MLIP: variants seen among roughly 807,000 people sequenced by gnomAD.
MLIP encodes muscular LMNA-interacting protein.
A neutral mutation model predicts 84.8 loss-of-function variants in MLIP; 79 were observed. The observed-to-expected ratio is 0.93, with a 90% CI of 0.78 to 1.12. The LOEUF (loss-of-function observed/expected upper bound fraction) is 1.12. Ranked by LOEUF, MLIP falls within the 50% of genes most tolerant of loss-of-function variation. MLIP has a pLI of 0.00. For synonymous variants in MLIP, 504 were observed against 463.0 expected, an observed-to-expected ratio of 1.09 and a Z score of -1.14; for missense variants, 1,257 against 1,160.6, an observed-to-expected ratio of 1.08 and a Z score of -1.21.
At chr6:54,106,711 A>G (rs1769044327), upstream of MLIP, among the ~76,000 whole-genome samples, 1 of 152,212 alleles carries the variant, frequency 6.6e-6, no homozygotes, top group Admixed American at 6.5e-5. Context: ...GGAGGTGGGG[A>G]ACAACTTCAA....
intron 12 of MLIP, among the ~76,000 whole-genome samples, chr6:54,231,209 A>T (rs1414258271): frequency 2.6e-5 from 4 of 152,260 alleles, no homozygotes; most frequent in African/African-American, 7.2e-5. Context: ...GACATTTTTC[A>T]AAACCTCACA....
At chr6:54,235,185 T>G (rs565867380) in intron 12 of MLIP, among the ~76,000 whole-genome samples, 1 of 152,356 alleles carries the variant, frequency 6.6e-6, no homozygotes, top group East Asian at 1.9e-4. Flanking sequence ...CCAAGTTGAA[T>G]GCGTTCTTAT....
intron 1 of MLIP, among the ~76,000 whole-genome samples, chr6:54,115,889 A>G (rs1362313618): frequency 6.6e-6 from 1 of 152,256 alleles, no homozygotes; most frequent in Non-Finnish European, 1.5e-5. Context: ...AGAGTCCTTC[A>G]GAGAGAACCA....
chr6:54,189,097 G>A (rs1777675489), intron 9 of MLIP, among the ~76,000 whole-genome samples: 1 of 152,156 alleles, frequency 6.6e-6, no homozygotes, highest in African/African-American at 2.4e-5. Flanking sequence ...TTAGTAAGAA[G>A]GAAACTAGGG....
chr6:54,209,916 C>A (rs1779303093), intron 11 of MLIP, among the ~76,000 whole-genome samples: 1 of 146,766 alleles, frequency 6.8e-6, no homozygotes, highest in African/African-American at 2.6e-5. Context: ...TTTTTTTTTA[C>A]AATAAGGCTC....
At chr6:54,198,994 T>C (rs1012636450) in intron 10 of MLIP, among the ~76,000 whole-genome samples, 1 of 152,056 alleles carries the variant, frequency 6.6e-6, no homozygotes, top group Admixed American at 6.6e-5. Context: ...AGGTCCTAAA[T>C]GTTCTGAGAA....
chr6:54,213,715 A>AC (rs1357044735), intron 11 of MLIP, among the ~76,000 whole-genome samples: 1,194 of 115,510 alleles, frequency 0.01, 99 homozygotes, highest in African/African-American at 0.041. Flanking sequence ...CTCAAAAAAA[A>AC]AAAAAAAAAA....
intron 12 of MLIP, among the ~76,000 whole-genome samples, chr6:54,254,766 TC>T (rs1447322372): frequency 1.7e-4 from 23 of 134,762 alleles, no homozygotes; most frequent in Non-Finnish European, 3.2e-4. Context: ...CTTCCTTCCT[TC>T]CCTTCCTCCC....
chr6:54,078,259 C>T (rs2150353300), intron 1 of MLIP, among the ~76,000 whole-genome samples: 1 of 152,316 alleles, frequency 6.6e-6, no homozygotes, highest in East Asian at 1.9e-4. Flanking sequence ...TTAAGCAGTT[C>T]TCTAGCACTC....
intron 11 of MLIP, chr6:54,217,590 G>T (rs370748629): frequency 1.0e-6 from 1 of 984,112 alleles, no homozygotes; most frequent in Non-Finnish European, 1.2e-6. Flanking sequence ...TTGAAGTTTT[G>T]TAGAATGATA....
At chr6:54,249,193 C>G (rs1032833826) in intron 12 of MLIP, among the ~76,000 whole-genome samples, 4 of 151,812 alleles carry the variant, frequency 2.6e-5, no homozygotes, top group African/African-American at 9.7e-5. Context: ...AATGAATTAT[C>G]CAAGTAAAAG....
chr6:54,118,881 C>T (rs1240171153), intron 1 of MLIP, among the ~76,000 whole-genome samples: 1 of 152,176 alleles, frequency 6.6e-6, no homozygotes, highest in African/African-American at 2.4e-5. Flanking sequence ...TCTCAAAAGA[C>T]ACACAAATGG....
chr6:54,070,099 A>T (rs1766391680), intron 1 of MLIP, among the ~76,000 whole-genome samples: 1 of 152,108 alleles, frequency 6.6e-6, no homozygotes, highest in East Asian at 1.9e-4. Context: ...GTAAAGCACA[A>T]CAAATAATTG....
At chr6:54,222,063 A>T (rs985003761) in intron 11 of MLIP, among the ~76,000 whole-genome samples, 2 of 152,042 alleles carry the variant, frequency 1.3e-5, no homozygotes, top group Non-Finnish European at 2.9e-5. Flanking sequence ...CTCTAACTTT[A>T]TTGAGGTATA....
intron 9 of MLIP, among the ~76,000 whole-genome samples, chr6:54,185,731 A>C (rs1033284932): frequency 6.6e-6 from 1 of 152,152 alleles, no homozygotes; most frequent in Non-Finnish European, 1.5e-5. Flanking sequence ...GAAGCTATTC[A>C]TTTAACTTAG....
At chr6:54,131,573 G>A (rs1469913544) in intron 3 of MLIP, among the ~76,000 whole-genome samples, 1 of 148,380 alleles carries the variant, frequency 6.7e-6, no homozygotes, top group Non-Finnish European at 1.5e-5. Flanking sequence ...ATTCTATAAG[G>A]CTGGGACTCT....
At chr6:54,216,291 C>G in intron 11 of MLIP, 1 of 985,340 alleles carries the variant, frequency 1.0e-6, no homozygotes, top group Non-Finnish European at 1.2e-6. Context: ...TTGTAGAAGC[C>G]TATTTTCTAT....
intron 1 of MLIP, among the ~76,000 whole-genome samples, chr6:54,061,991 T>C (rs1243932095): frequency 6.6e-6 from 1 of 152,176 alleles, no homozygotes; most frequent in African/African-American, 2.4e-5. Context: ...GTACTTATTT[T>C]CCCTCTACAC....
At chr6:54,131,350 G>C (rs545623486) in intron 3 of MLIP, among the ~76,000 whole-genome samples, 5 of 152,228 alleles carry the variant, frequency 3.3e-5, no homozygotes, top group Admixed American at 2.6e-4. Context: ...CTGCTGCTTT[G>C]AGTCTCTAAT....
Sources: allele counts gnomAD v4.1 joint callset (sites outside exome capture counted in the v4.1 genomes callset), GRCh38; gene constraint gnomAD v4.1.1; transcripts MANE v1.5; gene names NCBI Gene and HGNC (gene_info 2026-07-23, HGNC 2026-07-21).